The following TTLL3 variants were observed in gnomAD, a reference collection of about 807,000 sequenced individuals.
TTLL3 encodes the protein tubulin monoglycylase TTLL3.
In TTLL3, 63 loss-of-function variants were observed where a neutral mutation model predicts 75.2. The observed-to-expected ratio is 0.84, with a 90% CI of 0.68 to 1.03. TTLL3 has a LOEUF of 1.03. Ranked by LOEUF, TTLL3 falls within the 50% of genes least tolerant of loss-of-function variation. TTLL3 has a pLI of 0.00. For synonymous variants in TTLL3, 393 were observed against 418.5 expected, an observed-to-expected ratio of 0.94 and a Z score of 0.74; for missense variants, 997 against 1,069.9, an observed-to-expected ratio of 0.93 and a Z score of 0.95.
rs777420857 is a variant in TTLL3, at chr3:9,816,141, G to A, written c.383G>A (p.Arg128His). The A allele has an allele frequency of 9.5e-5, 129 of 1,351,812 alleles. 1 individual carries two copies. The Middle Eastern group carries it at 1.1e-3, about 11-fold the overall frequency. 83.7% of individuals were successfully genotyped at this position (1,351,812 alleles called of 1,614,324 possible). ...WTTRRDVLDC[R>H]FLSKDQMINH... ...ACTCGGCGGGATGTGCTCGACTGTC[G>A]CTTCCTCTCCAAGGATCAGATGATA... is the stretch of plus-strand genomic sequence containing the variant. The change falls in exon 5 of 14, where the codon CGC (arginine) becomes CAC (histidine). Residue 128 changes from arginine (R) to histidine (H), a missense_variant. Arg to His is a conservative substitution (Grantham distance 29, BLOSUM62 0). Transcript: ENST00000685419.
Position 9,810,389 on chromosome 3 carries a change from A to G in TTLL3, c.-47A>G, listed in dbSNP as rs2079229031. The G allele has an allele frequency of 7.1e-7, 1 of 1,412,086 alleles. No individual in the cohort carries two copies. Among genetic ancestry groups the G allele is most frequent in the Non-Finnish European group, 9.2e-7 (1 of 1,092,346 alleles). The allele number at this position is 1,412,086 out of a possible 1,614,324, so 87.5% of individuals were successfully genotyped here. Reference sequence around the variant, plus strand: ...ACCCCGGTCCTCGACCCCTCTCCGCAGGATGGTGAGGCCCGTGCGGCCCGC... The same window carrying G: ...ACCCCGGTCCTCGACCCCTCTCCGCGGGATGGTGAGGCCCGTGCGGCCCGC... On this transcript the variant is annotated 5_prime_UTR_variant, in exon 1 of 14. Transcript: ENST00000685419. This position sits in a 1 kb window ranked among gnomAD's most constrained non-coding sequence, Gnocchi z 4.4.
rs369202286 is a variant in TTLL3, at chr3:9,835,091, G to T, written c.2053-3G>T. ...CCCTCTTCTCCCCTCCTTTCACACC[G>T]AGGCTCCTGCTCTCCTGTGCCTCCG... is the stretch of plus-strand genomic sequence containing the variant. On this transcript the variant is annotated splice_polypyrimidine_tract_variant and splice_region_variant and intron_variant, in intron 13 of 13. Coordinates refer to ENST00000685419, the MANE Select transcript of TTLL3 (RefSeq NM_001387446.1). 5 of 1,602,748 alleles carry T rather than the reference G, an allele frequency of 3.1e-6. No individual in the cohort carries two copies. The highest frequency in any genetic ancestry group is 4.3e-6 in the Non-Finnish European group (5 of 1,173,250).
intron 11 of TTLL3, among the ~76,000 whole-genome samples, chr3:9,829,884 C>T (rs2081361981): frequency 6.6e-6 from 1 of 152,136 alleles, no homozygotes; most frequent in Non-Finnish European, 1.5e-5. Flanking sequence ...GCTCTGTTGC[C>T]CAGGCTGGAG....
chr3:9,813,578 A>G lies in TTLL3; in HGVS notation c.315+233A>G, dbSNP rs1414656358. 2.0e-5 allele frequency among the ~76,000 whole-genome samples: 3 copies of G among 152,172 alleles called. No homozygotes were observed. In the East Asian group the frequency reaches 5.8e-4, roughly 29 times the overall value. The stretch of plus-strand genomic sequence containing the variant: ...GAGGATAACTTGAGGCTAGGAGTTC[A>G]AGACCAGCCTGGGCAACATAGTAAG... On this transcript the variant is annotated intron_variant, in intron 4 of 13. Transcript: ENST00000685419.
rs1031030540 is a variant in TTLL3 at position 9,810,584 on chromosome 3, T to G, written c.-41-37T>G. 16 of 1,546,114 alleles carry G rather than the reference T, an allele frequency of 1.0e-5. No individual in the cohort carries two copies. The highest frequency in any genetic ancestry group is 1.4e-5 in the Non-Finnish European group (16 of 1,144,416). ...CTAGGCCGAGACCCTAGGCCCAGCC[T>G]CAGTGTACCCCGCCCCTATTCCGCA... On this transcript the variant is annotated intron_variant, in intron 1 of 13. Coordinates refer to ENST00000685419, the MANE Select transcript of TTLL3 (RefSeq NM_001387446.1). The surrounding 1 kb of genome is among the most constrained non-coding windows in gnomAD (Gnocchi z 4.4).
In TTLL3 at chr3:9,816,076, C is replaced by A. The variant is rs747966043; in HGVS notation, c.318C>A (p.Ser106=). ...TCTGTCTCCTCCTGTCTCCCCAGTC[C>A]CGCATGGTCCAGAATGAGATCCCCT... ...DDLDGTHALM[S]RMVQNEIPYF... The change falls in exon 5 of 14, where the codon TCC becomes TCA. Residue 106 remains serine (S), a splice_region_variant and synonymous_variant. Coordinates refer to ENST00000685419, the MANE Select transcript of TTLL3 (RefSeq NM_001387446.1). 2 of 1,354,376 alleles carry A rather than the reference C, an allele frequency of 1.5e-6. No individual in the cohort carries two copies. Among genetic ancestry groups the A allele is most frequent in the Non-Finnish European group, 2.0e-6 (2 of 1,015,970 alleles). The allele number at this position is 1,354,376 out of a possible 1,614,324, so 83.9% of individuals were successfully genotyped here. A position where few individuals can be genotyped will look rare whatever the true frequency, so the allele number is the denominator to read the frequency against.
chr3:9,810,266 C>T lies in TTLL3; in HGVS notation c.-170C>T, dbSNP rs542352335. 1.3e-6 allele frequency: 2 copies of T among 1,507,794 alleles called. No homozygotes were observed. Among genetic ancestry groups the T allele is most frequent in the South Asian group, 2.5e-5 (2 of 81,276 alleles). 93.4% of individuals were successfully genotyped at this position (1,507,794 alleles called of 1,614,324 possible). On this transcript the variant is annotated 5_prime_UTR_variant, in exon 1 of 14. Transcript: ENST00000685419. This position sits in a 1 kb window ranked among gnomAD's most constrained non-coding sequence, Gnocchi z 4.4. ...GGCGGCAGATGCCAGGCGGGCAGCC[C>T]CGCCCCTGCGCGCCGCCTCAGCGGC...
intron 4 of TTLL3, among the ~76,000 whole-genome samples, chr3:9,815,058 T>C (rs1039312780): frequency 6.6e-6 from 1 of 151,368 alleles, no homozygotes; most frequent in African/African-American, 2.4e-5. Flanking sequence ...GGGAACATGG[T>C]GAAACCCCGC....
chr3:9,816,333 T>C (rs530210482), intron 5 of TTLL3, 131 bp downstream of exon 5: 3 of 1,008,884 alleles, frequency 3.0e-6, no homozygotes, highest in South Asian at 1.5e-5. Context: ...TTCAGAAAAT[T>C]TGGAGTCTGA....
chr3:9,822,392 T>TG (rs1056534727), intron 8 of TTLL3, among the ~76,000 whole-genome samples: 31 of 151,860 alleles, frequency 2.0e-4, no homozygotes, highest in African/African-American at 7.5e-4. Context: ...TTCTGGTGTG[T>TG]GGGGGCAAGT....
At chr3:9,831,638 C>A (rs1575413789) in intron 11 of TTLL3, among the ~76,000 whole-genome samples, 1 of 152,182 alleles carries the variant, frequency 6.6e-6, no homozygotes, top group South Asian at 2.1e-4. Flanking sequence ...GTTTTGATAC[C>A]AGTTTTGATT....
intron 5 of TTLL3, 46 bp from the exon 6 acceptor site, chr3:9,817,599 G>A (rs1230248179): frequency 1.2e-6 from 2 of 1,613,106 alleles, no homozygotes; most frequent in Non-Finnish European, 1.7e-6. Flanking sequence ...GGTGTGTGGT[G>A]AGTGTGGGCA....
At chr3:9,819,940 TC>T in intron 7 of TTLL3, 2 of 985,874 alleles carry the variant, frequency 2.0e-6, no homozygotes, top group Non-Finnish European at 2.4e-6. Flanking sequence ...CAGTTGTATA[TC>T]AGAATCTTCA....
intron 6 of TTLL3, 41 bp downstream of exon 6, chr3:9,817,800 C>T (rs1225080096): frequency 6.2e-7 from 1 of 1,611,986 alleles, no homozygotes; most frequent in East Asian, 2.2e-5. Flanking sequence ...CTCAGGCTGA[C>T]AGAGCAGGGC....
rs1439565718 is a variant in TTLL3 at position 9,835,283 on chromosome 3, CTTG to C, written c.2246_2248del (p.Val749del). On this transcript the variant is annotated inframe_deletion, in exon 14 of 14. Transcript: ENST00000685419. Reference sequence around the variant, plus strand: ...GCTGAGCCCCCTGAAACCCCTGCCCCTTGTTGGTACATTCCAGAGGCGCAGGGG... The same window carrying C: ...GCTGAGCCCCCTGAAACCCCTGCCCCTTGGTACATTCCAGAGGCGCAGGGG... 2 of 1,614,070 alleles carry C rather than the reference CTTG, an allele frequency of 1.2e-6. No individual in the cohort carries two copies. The highest frequency in any genetic ancestry group is 4.5e-5 in the East Asian group (2 of 44,898).
At chr3:9,823,243 G>C (rs577515208) in intron 8 of TTLL3, among the ~76,000 whole-genome samples, 1 of 152,030 alleles carries the variant, frequency 6.6e-6, no homozygotes. Flanking sequence ...AATTAGCTGG[G>C]TGTGGTGGTG....
In TTLL3 at chr3:9,835,287, T is replaced by G. The variant is rs1332479048; in HGVS notation, c.2246T>G (p.Val749Gly). 3 of 1,614,190 alleles carry G rather than the reference T, an allele frequency of 1.9e-6. No homozygotes were observed. Among genetic ancestry groups the G allele is most frequent in the Non-Finnish European group, 2.5e-6 (3 of 1,180,026 alleles). The change falls in exon 14 of 14, where the codon GTT (valine) becomes GGT (glycine). Residue 749 changes from valine (V) to glycine (G), a missense_variant. By Grantham distance (109) the Val-to-Gly change is moderately radical (BLOSUM62 -3). Transcript: ENST00000685419. ...RLSPLKPLPL[V>G]GTFQRRRGLG... ...AGCCCCCTGAAACCCCTGCCCCTTG[T>G]TGGTACATTCCAGAGGCGCAGGGGC...
At chr3:9,817,348 C>G in intron 5 of TTLL3, 1 of 811,778 alleles carries the variant, frequency 1.2e-6, no homozygotes, top group East Asian at 1.3e-4. Context: ...GGTGTGAACC[C>G]GGGAGGCAGA....
At chr3:9,828,690 G>T in intron 10 of TTLL3, 1 of 502,586 alleles carries the variant, frequency 2.0e-6, no homozygotes, top group East Asian at 3.4e-5. Context: ...CACTGGGATG[G>T]TTAACTGAGA....
Sources: gnomAD v4.1 joint callset for allele counts (sites outside exome capture counted in the v4.1 genomes callset) on GRCh38, gnomAD v4.1.1 for gene constraint, Gnocchi (gnomAD v3.1) non-coding constraint, MANE v1.5 for transcripts, NCBI Gene and HGNC (gene_info 2026-07-23, HGNC 2026-07-21) for gene names.